The following MACROD1 variants were observed in gnomAD, a reference collection of about 807,000 sequenced individuals.
MACROD1 encodes mono-ADP ribosylhydrolase 1.
A neutral mutation model predicts 41.4 loss-of-function variants in MACROD1; 31 were observed. The observed-to-expected ratio is 0.75, with a 90% CI of 0.56 to 1.01. The LOEUF (loss-of-function observed/expected upper bound fraction) is 1.01. MACROD1 is among the 50% of genes least tolerant of loss of function. MACROD1 has a pLI of 0.00. For synonymous variants in MACROD1, 252 were observed against 203.4 expected, an observed-to-expected ratio of 1.24 and a Z score of -2.03; for missense variants, 473 against 460.0, an observed-to-expected ratio of 1.03 and a Z score of -0.26.
intron 3 of MACROD1, among the ~76,000 whole-genome samples, chr11:64,094,955 G>A (rs1286289343): frequency 6.6e-6 from 1 of 152,250 alleles, no homozygotes; most frequent in Non-Finnish European, 1.5e-5. Flanking sequence ...GTGTGCTCCA[G>A]GAGTGAAAGT....
chr11:64,010,807 TTGG>T (rs1011036739), intron 4 of MACROD1, among the ~76,000 whole-genome samples: 8 of 138,154 alleles, frequency 5.8e-5, no homozygotes, highest in African/African-American at 8.7e-5. Flanking sequence ...GGCTGGCATG[TTGG>T]TTGGGGTATT....
chr11:64,101,628 C>A (rs779068157), intron 3 of MACROD1, among the ~76,000 whole-genome samples: 3 of 152,184 alleles, frequency 2.0e-5, no homozygotes, highest in Non-Finnish European at 2.9e-5. Flanking sequence ...GGAGAAATTA[C>A]AATTTATAAT....
chr11:64,132,828 G>A (rs2701536), intron 3 of MACROD1, among the ~76,000 whole-genome samples: 9,115 of 152,284 alleles, frequency 0.06, 370 homozygotes, highest in Middle Eastern at 0.15. Flanking sequence ...ATCTGTCACC[G>A]AGCTTCATCC....
At chr11:64,066,048 C>T (rs1025486749) in intron 3 of MACROD1, among the ~76,000 whole-genome samples, 1 of 152,018 alleles carries the variant, frequency 6.6e-6, no homozygotes, top group African/African-American at 2.4e-5. Context: ...GTAATCCCAA[C>T]ACTTTGTGGG....
intron 3 of MACROD1, among the ~76,000 whole-genome samples, chr11:64,053,208 G>C (rs1326078562): frequency 1.3e-5 from 2 of 152,186 alleles, no homozygotes; most frequent in Non-Finnish European, 2.9e-5. Flanking sequence ...CTGGGGAGCA[G>C]GGTGGGGTGA....
At chr11:64,001,564 G>A (rs1284514061) in intron 4 of MACROD1, 7 of 702,264 alleles carry the variant, frequency 1.0e-5, no homozygotes, top group Non-Finnish European at 1.8e-5. Flanking sequence ...TCGTGCCCTG[G>A]GGGCACAATT....
At chr11:64,027,250 C>T (rs1218161596) in intron 3 of MACROD1, among the ~76,000 whole-genome samples, 2 of 152,200 alleles carry the variant, frequency 1.3e-5, no homozygotes, top group Non-Finnish European at 2.9e-5. Context: ...GATCCTTCTC[C>T]CACAGTCATG....
At chr11:64,068,139 A>G (rs2845568) in intron 3 of MACROD1, among the ~76,000 whole-genome samples, 20,965 of 152,244 alleles carry the variant, frequency 0.14, 2,325 homozygotes, top group African/African-American at 0.31. Flanking sequence ...AATTAATGGC[A>G]TTAAGATATG....
intron 3 of MACROD1, among the ~76,000 whole-genome samples, chr11:64,134,926 G>A (rs1945312067): frequency 6.6e-6 from 1 of 152,164 alleles, no homozygotes; most frequent in Admixed American, 6.5e-5. Flanking sequence ...CTCCCTCCAG[G>A]GTCCTCGGTC....
intron 3 of MACROD1, among the ~76,000 whole-genome samples, chr11:64,125,912 T>C (rs1413016730): frequency 1.3e-5 from 2 of 152,142 alleles, no homozygotes; most frequent in Admixed American, 6.5e-5. Flanking sequence ...GGGCTTCCTC[T>C]GTAGACGGGA....
chr11:64,107,823 T>C (rs1021524557), intron 3 of MACROD1, among the ~76,000 whole-genome samples: 1 of 152,152 alleles, frequency 6.6e-6, no homozygotes, highest in Non-Finnish European at 1.5e-5. Flanking sequence ...CTGCAGTCCC[T>C]GGGGCATCTG....
intron 3 of MACROD1, among the ~76,000 whole-genome samples, chr11:64,065,245 GA>G: frequency 6.6e-6 from 1 of 152,304 alleles, no homozygotes; most frequent in East Asian, 1.9e-4. Flanking sequence ...AGTGTTGAGC[GA>G]TCGGAGCAGT....
intron 4 of MACROD1, chr11:64,000,992 C>T (rs1436015001): frequency 4.3e-5 from 8 of 187,918 alleles, no homozygotes; most frequent in Non-Finnish European, 8.9e-5. Flanking sequence ...GCGCGCAAAC[C>T]CCAGCTGGTT....
Position 64,093,550 on chromosome 11 carries a change from T to C in MACROD1, c.517+57689A>G, listed in dbSNP as rs1039196188. On this transcript the variant is annotated intron_variant, in intron 3 of 10. Transcript: ENST00000255681. ...CATCTCTGCCTGGTACAGATTTCTT[T>C]CTTAACTCCATCCCTCCCAGTCCTT... 7.2e-5 allele frequency among the ~76,000 whole-genome samples: 11 copies of C among 152,318 alleles called. No individual in the cohort carries two copies. In the East Asian group the frequency reaches 1.9e-3, roughly 27 times the overall value.
chr11:64,148,770 C>G (rs139444362), intron 3 of MACROD1: 3 of 985,646 alleles, frequency 3.0e-6, no homozygotes, highest in Non-Finnish European at 1.2e-6. Context: ...TTTTATTCCA[C>G]TAATAAACAG....
chr11:63,998,935 G>T lies in MACROD1; in HGVS notation c.973+20C>A. On this transcript the variant is annotated intron_variant, in intron 9 of 10. Transcript: ENST00000255681. ...TGGACCGGGGCAGGGGCGGGCCGTGGGGCGGCGCGGGGCACGTACCCACGG... is the reference window on the plus strand; with the variant it reads ...TGGACCGGGGCAGGGGCGGGCCGTGTGGCGGCGCGGGGCACGTACCCACGG... The T allele has an allele frequency of 1.3e-6, 2 of 1,562,224 alleles. No homozygotes were observed. Among genetic ancestry groups the T allele is most frequent in the Non-Finnish European group, 1.7e-6 (2 of 1,157,914 alleles).
intron 3 of MACROD1, among the ~76,000 whole-genome samples, chr11:64,030,062 G>C (rs919237232): frequency 5.3e-5 from 8 of 152,054 alleles, no homozygotes; most frequent in Admixed American, 4.6e-4. Context: ...CACCCCCCGG[G>C]TGACACAGTC....
At chr11:64,021,970 A>AGGGGGG (rs1943162949) in intron 3 of MACROD1, among the ~76,000 whole-genome samples, 1 of 2,662 alleles carries the variant, frequency 3.8e-4, no homozygotes, top group African/African-American at 1.1e-3. Flanking sequence ...GGCGGCGGGC[A>AGGGGGG]GTGGATCTGG....
Position 64,065,537 on chromosome 11 carries a change from C to A in MACROD1, c.518-50256G>T, listed in dbSNP as rs538185462. Among the ~76,000 whole-genome samples, 6 of 152,208 alleles carry A rather than the reference C, an allele frequency of 3.9e-5. No homozygotes were observed. In the South Asian group the frequency reaches 8.3e-4, roughly 21 times the overall value. Reference sequence around the variant, plus strand: ...AGGCGCGGTGGCTCATGCCTGTAATCCCAGCACTTTGGGAGGCCAAGGTGG... The same window carrying A: ...AGGCGCGGTGGCTCATGCCTGTAATACCAGCACTTTGGGAGGCCAAGGTGG... On this transcript the variant is annotated intron_variant, in intron 3 of 10. Transcript: ENST00000255681.
Sources: gnomAD v4.1 joint callset for allele counts (sites outside exome capture counted in the v4.1 genomes callset) on GRCh38, gnomAD v4.1.1 for gene constraint, MANE v1.5 for transcripts, NCBI Gene and HGNC (gene_info 2026-07-23, HGNC 2026-07-21) for gene names.